Variants in MBNL2 observed in about 807,000 individuals in gnomAD.
The protein encoded by MBNL2 is muscleblind like splicing regulator 2.
A neutral mutation model predicts 41.9 loss-of-function variants in MBNL2; 17 were observed. That is an observed-to-expected ratio of 0.41 (90% CI 0.28 to 0.61). The LOEUF (loss-of-function observed/expected upper bound fraction) is 0.61, where lower values mean the gene tolerates loss of function less well. MBNL2 is among the 20% of genes least tolerant of loss of function. The pLI is 0.35. For synonymous variants in MBNL2, 195 were observed against 182.9 expected (o/e 1.07, Z -0.53); for missense variants, 336 against 505.6 (o/e 0.66, Z 3.22).
chr13:97,283,079 C>T (rs775125410), intron 2 of MBNL2, among the ~76,000 whole-genome samples: 1 of 152,204 alleles, frequency 6.6e-6, no homozygotes, highest in Non-Finnish European at 1.5e-5. Flanking sequence ...GGAGGATTCT[C>T]TCCTGCTACT....
chr13:97,208,556 C>G, the MBNL2 span, among the ~76,000 whole-genome samples: 1 of 152,150 alleles, frequency 6.6e-6, no homozygotes, highest in Non-Finnish European at 1.5e-5. Flanking sequence ...ACCCTAGTCC[C>G]TAGTCTTTAC....
chr13:97,208,024 C>T, the MBNL2 span, among the ~76,000 whole-genome samples: 11 of 152,206 alleles, frequency 7.2e-5, no homozygotes, highest in African/African-American at 2.7e-4. Context: ...GGTGAGTTCC[C>T]ATGGTCTTGA....
At chr13:97,294,875 C>CT (rs1290648371) in intron 2 of MBNL2, among the ~76,000 whole-genome samples, 1 of 152,174 alleles carries the variant, frequency 6.6e-6, no homozygotes, top group Admixed American at 6.5e-5. Flanking sequence ...CACCCTTTGG[C>CT]TTTTTATTCT....
chr13:97,275,090 A>G (rs1215698488), intron 1 of MBNL2, among the ~76,000 whole-genome samples: 1 of 152,232 alleles, frequency 6.6e-6, no homozygotes, highest in Non-Finnish European at 1.5e-5. Flanking sequence ...TAGGTAAGTC[A>G]TGGTGGAGAG....
chr13:97,314,659 G>A (rs1253039660), intron 2 of MBNL2, among the ~76,000 whole-genome samples: 1 of 152,178 alleles, frequency 6.6e-6, no homozygotes, highest in Non-Finnish European at 1.5e-5. Flanking sequence ...ATGACTCTTG[G>A]GAGACTCTTG....
At chr13:97,317,288 T>C (rs1412443092) in intron 2 of MBNL2, among the ~76,000 whole-genome samples, 1 of 152,138 alleles carries the variant, frequency 6.6e-6, no homozygotes, top group African/African-American at 2.4e-5. Context: ...GGCAACCAGG[T>C]AAAACTGGGT....
rs1478916894 is a variant in MBNL2, at chr13:97,346,733, G to A, written c.541-71G>A. Reference sequence around the variant, plus strand: ...GCGAGGCAGCCTCCGCTCCTCCCGCGGTGGCCGGGGCCGCAGGGGCGCCTG... The same window carrying A: ...GCGAGGCAGCCTCCGCTCCTCCCGCAGTGGCCGGGGCCGCAGGGGCGCCTG... On this transcript the variant is annotated intron_variant, in intron 4 of 8. Coordinates refer to ENST00000679496, the MANE Select transcript of MBNL2 (RefSeq NM_001382683.1). The surrounding 1 kb of genome is among the most constrained non-coding windows in gnomAD (Gnocchi z 4.2). The A allele has an allele frequency of 5.1e-6, 7 of 1,360,674 alleles. No homozygotes were observed. The East Asian group carries it at 7.0e-5, about 14-fold the overall frequency. The allele number at this position is 1,360,674 out of a possible 1,614,324, so 84.3% of individuals were successfully genotyped here.
intron 2 of MBNL2, among the ~76,000 whole-genome samples, chr13:97,330,083 G>A (rs368855164): frequency 1.3e-5 from 2 of 152,168 alleles, no homozygotes; most frequent in South Asian, 2.1e-4. Context: ...ACCATGTCTT[G>A]ATTTTCCTCA....
chr13:97,195,750 G>A, the MBNL2 span, among the ~76,000 whole-genome samples: 3 of 152,140 alleles, frequency 2.0e-5, no homozygotes, highest in Non-Finnish European at 2.9e-5. Context: ...TTTCACTAAT[G>A]GTTGATTCTT....
the MBNL2 span, among the ~76,000 whole-genome samples, chr13:97,144,318 C>G: frequency 6.6e-6 from 1 of 152,032 alleles, no homozygotes; most frequent in African/African-American, 2.4e-5. Context: ...CCGTAGGATC[C>G]TGATACTGCC....
chr13:97,243,370 T>G (rs2044721091), intron 1 of MBNL2, among the ~76,000 whole-genome samples: 1 of 152,126 alleles, frequency 6.6e-6, no homozygotes, highest in South Asian at 2.1e-4. Flanking sequence ...AAAGATGCAT[T>G]AGCCTGGCTG....
intron 1 of MBNL2, among the ~76,000 whole-genome samples, chr13:97,235,345 A>T (rs2043075853): frequency 3.3e-5 from 5 of 151,894 alleles, no homozygotes; most frequent in Admixed American, 6.5e-5. Context: ...CAAGAGCATG[A>T]GTTTTCCCCA....
At chr13:97,212,325 T>A in the MBNL2 span, among the ~76,000 whole-genome samples, 1 of 152,102 alleles carries the variant, frequency 6.6e-6, no homozygotes, top group Non-Finnish European at 1.5e-5. Flanking sequence ...CACCCCTACA[T>A]GTCTCTGTTC....
At chr13:97,339,454 G>A (rs1382175932) in intron 3 of MBNL2, among the ~76,000 whole-genome samples, 2 of 152,086 alleles carry the variant, frequency 1.3e-5, no homozygotes, top group Admixed American at 1.3e-4. Context: ...CGCGAATCTT[G>A]TCCTCTGGCC....
intron 1 of MBNL2, among the ~76,000 whole-genome samples, chr13:97,258,586 A>G (rs1393615193): frequency 1.3e-5 from 2 of 152,220 alleles, no homozygotes; most frequent in African/African-American, 2.4e-5. Context: ...CCTGTGTGTG[A>G]GATCCTGCTG....
chr13:97,244,521 C>T (rs1465716623), intron 1 of MBNL2, among the ~76,000 whole-genome samples: 1 of 152,180 alleles, frequency 6.6e-6, no homozygotes, highest in Non-Finnish European at 1.5e-5. Context: ...CACTGAGAAC[C>T]ATGAAACTTT....
chr13:97,164,064 C>T, the MBNL2 span, among the ~76,000 whole-genome samples: 5 of 152,078 alleles, frequency 3.3e-5, no homozygotes, highest in South Asian at 4.1e-4. Context: ...TGGAGTGCAG[C>T]GGCACAATCT....
intron 2 of MBNL2, among the ~76,000 whole-genome samples, chr13:97,321,708 A>G (rs1365062590): frequency 1.3e-5 from 2 of 152,198 alleles, no homozygotes; most frequent in Admixed American, 6.5e-5. Context: ...AAGGTCTAAT[A>G]AGACAGGGTG....
chr13:97,204,975 C>T, the MBNL2 span, among the ~76,000 whole-genome samples: 2 of 151,816 alleles, frequency 1.3e-5, no homozygotes, highest in African/African-American at 4.8e-5. Context: ...AGATTGAGAC[C>T]ATCCTGCCCA....
Sources: gnomAD v4.1 joint callset for allele counts (sites outside exome capture counted in the v4.1 genomes callset) on GRCh38, gnomAD v4.1.1 for gene constraint, Gnocchi (gnomAD v3.1) non-coding constraint, MANE v1.5 for transcripts, NCBI Gene and HGNC (gene_info 2026-07-23, HGNC 2026-07-21) for gene names.